The following LRRN4 variants were observed in gnomAD, a reference collection of about 807,000 sequenced individuals.
LRRN4 encodes leucine rich repeat neuronal 4, also known as leucine-rich repeat neuronal protein 4.
In LRRN4, 26 loss-of-function variants were observed where a neutral mutation model predicts 22.3. The observed-to-expected ratio is 1.16, with a 90% confidence interval of 0.85 to 1.62. The LOEUF (loss-of-function observed/expected upper bound fraction) is 1.62, where lower values mean the gene tolerates loss of function less well. Among genes scored for constraint, LRRN4 ranks in the 40% most tolerant of loss-of-function variants. The probability of loss-of-function intolerance (pLI) is 0.00; values close to 1 mark genes in which losing one functional copy is unlikely to be tolerated. For synonymous variants in LRRN4, 496 were observed against 486.2 expected (o/e 1.02, Z -0.26); for missense variants, 1,070 against 1,008.5 (o/e 1.06, Z -0.83).
intron 3 of LRRN4, among the ~76,000 whole-genome samples, chr20:6,046,068 GGGAGGC>G (rs1348723521): frequency 2.0e-5 from 3 of 148,938 alleles, no homozygotes; most frequent in African/African-American, 7.3e-5. Flanking sequence ...CTAGCCCTTT[GGGAGGC>G]CAAGGTGGGA....
rs767627724 is a variant in LRRN4, at chr20:6,042,257, G to A, written c.999-11C>T. On this transcript the variant is annotated splice_polypyrimidine_tract_variant and intron_variant, in intron 4 of 4. Transcript: ENST00000378858. ...ATAGTGTCTGCTGCCCTGGAGGGGA[G>A]GCCAACCAGTTAGAAGACGTCTGGC... 2 of 1,598,494 alleles carry A rather than the reference G, an allele frequency of 1.3e-6. No homozygotes were observed. Among genetic ancestry groups the A allele is most frequent in the African/African-American group, 1.3e-5 (1 of 74,696 alleles).
At chr20:6,051,632 T>A (rs1007955778) in intron 2 of LRRN4, among the ~76,000 whole-genome samples, 12 of 152,292 alleles carry the variant, frequency 7.9e-5, no homozygotes, top group Non-Finnish European at 1.2e-4. Flanking sequence ...TGATTAAACA[T>A]TCACAGAAAC....
At chr20:6,051,672 T>C (rs1461083279) in intron 2 of LRRN4, among the ~76,000 whole-genome samples, 1 of 152,160 alleles carries the variant, frequency 6.6e-6, no homozygotes, top group Non-Finnish European at 1.5e-5. Context: ...GAAAAATCAG[T>C]GAATTCATCC....
At position 6,041,167 on chromosome 20, in the gene LRRN4, AGGCCGCTGGC is replaced by A; in HGVS notation, c.2068_2077del (p.Ala690CysfsTer79). ...CAGCACCACGGTGCTGGCGAGCAAC[AGGCCGCTGGC>A]GGCGCACAGCCCAGAGAGCAGGAGC... On this transcript the variant is annotated frameshift_variant, in exon 5 of 5. Coordinates refer to ENST00000378858, the MANE Select transcript of LRRN4 (RefSeq NM_152611.5). LOFTEE classifies it low-confidence loss of function (END_TRUNC). This position sits in a 1 kb window ranked among gnomAD's most constrained non-coding sequence, Gnocchi z 9.4. 1 of 1,601,778 alleles carries A rather than the reference AGGCCGCTGGC, an allele frequency of 6.2e-7. No homozygotes were observed. The highest frequency in any genetic ancestry group is 8.5e-7 in the Non-Finnish European group (1 of 1,173,754).
At chr20:6,052,072 C>G in intron 2 of LRRN4, 73 bp downstream of exon 2, 1 of 1,494,454 alleles carries the variant, frequency 6.7e-7, no homozygotes, top group East Asian at 2.6e-5. Context: ...GAACGCAGCC[C>G]TGCCCCCCGG....
In LRRN4 at chr20:6,052,195, G is replaced by A. The variant is rs1361060239; in HGVS notation, c.605C>T (p.Pro202Leu). The change falls in exon 2 of 5, where the codon CCC (proline) becomes CTC (leucine). Residue 202 changes from proline to leucine, a missense_variant. Coordinates refer to ENST00000378858, the MANE Select transcript of LRRN4 (RefSeq NM_152611.5). Reference sequence around the variant, plus strand: ...ATCCAGGACTTCGAGCGTGACCAGGGGCGCGCCATCCTCTCCAGCGAACGC... The same window carrying A: ...ATCCAGGACTTCGAGCGTGACCAGGAGCGCGCCATCCTCTCCAGCGAACGC... Reference protein sequence around the residue: ...EAAFAGEDGAPLVTLEVLDLS... With the variant: ...EAAFAGEDGALLVTLEVLDLS... 1 of 1,596,814 alleles carries A rather than the reference G, an allele frequency of 6.3e-7. No homozygotes were observed.
chr20:6,043,577 GC>G (rs1981023713), intron 4 of LRRN4, among the ~76,000 whole-genome samples: 1 of 152,070 alleles, frequency 6.6e-6, no homozygotes, highest in Non-Finnish European at 1.5e-5. Context: ...GGCAGACTGA[GC>G]CCCACCTCAC....
rs779656721 is a variant in LRRN4, at chr20:6,041,923, C to T, written c.1322G>A (p.Ser441Asn). The change falls in exon 5 of 5, where the codon AGC (serine) becomes AAC (asparagine). Residue 441 changes from serine (S) to asparagine (N), a missense_variant. Physicochemically the swap from Ser to Asn is conservative, Grantham distance 46. Coordinates refer to ENST00000378858, the MANE Select transcript of LRRN4 (RefSeq NM_152611.5). The surrounding 1 kb of genome is among the most constrained non-coding windows in gnomAD (Gnocchi z 9.4). ...PSTTNSVAGH[S>N]NSSVFPRAAS... ...AGCCCTGGGGAAAACGCTGGAGTTGCTGTGACCTGCTACAGAGTTGGTCGT... is the reference window on the plus strand; with the variant it reads ...AGCCCTGGGGAAAACGCTGGAGTTGTTGTGACCTGCTACAGAGTTGGTCGT... The T allele has an allele frequency of 1.9e-6, 3 of 1,614,152 alleles. No homozygotes were observed. Among genetic ancestry groups the T allele is most frequent in the Non-Finnish European group, 8.5e-7 (1 of 1,180,016 alleles).
chr20:6,045,853 G>A (rs904195844), intron 3 of LRRN4, among the ~76,000 whole-genome samples: 8 of 149,026 alleles, frequency 5.4e-5, no homozygotes, highest in African/African-American at 2.0e-4. Flanking sequence ...GCTAGCCTGG[G>A]CTTATTCACA....
intron 3 of LRRN4, among the ~76,000 whole-genome samples, chr20:6,049,375 A>G (rs546230272): frequency 1.3e-5 from 2 of 152,370 alleles, no homozygotes; most frequent in East Asian, 3.9e-4. Flanking sequence ...CCCTGAAAGC[A>G]GTGGCCATGT....
chr20:6,048,027 G>A (rs2123055979), intron 3 of LRRN4, among the ~76,000 whole-genome samples: 1 of 152,142 alleles, frequency 6.6e-6, no homozygotes, highest in Non-Finnish European at 1.5e-5. Flanking sequence ...GAGTCCTGGG[G>A]ACTTGACTCC....
intron 3 of LRRN4, among the ~76,000 whole-genome samples, chr20:6,049,312 T>C (rs6076921): frequency 0.33 from 50,688 of 152,074 alleles, 9,902 homozygotes; most frequent in East Asian, 0.51. Flanking sequence ...CTATGGATCA[T>C]GATGTGTTAT....
intron 3 of LRRN4, among the ~76,000 whole-genome samples, chr20:6,047,505 G>T (rs1981133539): frequency 6.6e-6 from 1 of 150,936 alleles, no homozygotes; most frequent in Admixed American, 6.6e-5. Context: ...AGTGGACCAT[G>T]GCTGGGAGCG....
chr20:6,053,027 G>A (rs1275492162), intron 1 of LRRN4, among the ~76,000 whole-genome samples: 3 of 152,096 alleles, frequency 2.0e-5, no homozygotes, highest in Non-Finnish European at 2.9e-5. Context: ...GATACCCCCT[G>A]CTCTTCCTCC....
Position 6,052,259 on chromosome 20 carries a change from C to T in LRRN4, c.541G>A (p.Ala181Thr). Residue 181 changes from alanine to threonine, a missense_variant, in exon 2 of 5, where the codon GCG becomes ACG. Physicochemically the swap from Ala to Thr is moderately conservative, Grantham distance 58. Coordinates refer to ENST00000378858, the MANE Select transcript of LRRN4 (RefSeq NM_152611.5). The stretch of plus-strand genomic sequence containing the variant: ...CCCCCCTGGGCTCCGCGACCCAGCG[C>T]GGTGCAGGAGAGGTTGAGGAGCTGC... ...ALQLLNLSCT[A>T]LGRGAQGGIA... is the part of the protein sequence containing the mutation. The T allele has an allele frequency of 6.4e-7, 1 of 1,556,732 alleles. No individual in the cohort carries two copies. The highest frequency in any genetic ancestry group is 8.7e-7 in the Non-Finnish European group (1 of 1,151,528).
intron 4 of LRRN4, among the ~76,000 whole-genome samples, 164 bp downstream of exon 4, chr20:6,044,379 C>G (rs1221754768): frequency 6.6e-6 from 1 of 152,226 alleles, no homozygotes; most frequent in Non-Finnish European, 1.5e-5. Flanking sequence ...ATGGAGGCAG[C>G]TTCCATCACC....
rs376651844 is a variant in LRRN4 at position 6,045,378 on chromosome 20, C to T, written c.861-698G>A. On this transcript the variant is annotated intron_variant, in intron 3 of 4. Transcript: ENST00000378858. Reference sequence around the variant, plus strand: ...ACTTGAGCCTGGGAGGCAGAGGTTGCGGTGAGCCAAGAGCACACCACTACC... The same window carrying T: ...ACTTGAGCCTGGGAGGCAGAGGTTGTGGTGAGCCAAGAGCACACCACTACC... Among the ~76,000 whole-genome samples, 93 of 148,402 alleles carry T rather than the reference C, an allele frequency of 6.3e-4. 9 individuals carry two copies. In the South Asian group the frequency reaches 0.018, roughly 29 times the overall value.
rs1260808941 is a variant in LRRN4, at chr20:6,041,257, C to T, written c.1988G>A (p.Arg663Gln). 2 of 1,584,756 alleles carry T rather than the reference C, an allele frequency of 1.3e-6. No individual in the cohort carries two copies. The highest frequency in any genetic ancestry group is 8.6e-7 in the Non-Finnish European group (1 of 1,166,564). Residue 663 changes from arginine to glutamine, a missense_variant, in exon 5 of 5, where the codon CGG becomes CAG. Transcript: ENST00000378858. This position sits in a 1 kb window ranked among gnomAD's most constrained non-coding sequence, Gnocchi z 9.4. ...GCACGGGCTCCTCCAGCCCGAAGAC[C>T]GTGGCTGGCTCAAGCCCGCCCTGTT... ...AANRAGLSQP[R>Q]SSGWRSPCAA...
chr20:6,047,281 A>G (rs1981121797), intron 3 of LRRN4, among the ~76,000 whole-genome samples: 1 of 152,126 alleles, frequency 6.6e-6, no homozygotes, highest in Non-Finnish European at 1.5e-5. Context: ...AATAATTTCT[A>G]TTGGAGAATT....
Sources: gnomAD v4.1 joint callset for allele counts (sites outside exome capture counted in the v4.1 genomes callset) on GRCh38, gnomAD v4.1.1 for gene constraint, Gnocchi (gnomAD v3.1) non-coding constraint, MANE v1.5 for transcripts, NCBI Gene and HGNC (gene_info 2026-07-23, HGNC 2026-07-21) for gene names.